The following CRPPA variants were observed in gnomAD, a reference collection of about 807,000 sequenced individuals.
CRPPA encodes CDP-L-ribitol pyrophosphorylase A.
In CRPPA, 43 loss-of-function variants were observed where a neutral mutation model predicts 52.0. That is an observed-to-expected ratio of 0.83 (90% CI 0.65 to 1.07). The LOEUF (loss-of-function observed/expected upper bound fraction) is 1.07. CRPPA is among the 50% of genes least tolerant of loss of function. The pLI is 0.00. For synonymous variants in CRPPA, 250 were observed against 203.5 expected (o/e 1.23, Z -1.94); for missense variants, 629 against 551.7 (o/e 1.14, Z -1.40).
chr7:16,101,076 G>A (rs1010619926), intron 9 of CRPPA, among the ~76,000 whole-genome samples: 3 of 152,096 alleles, frequency 2.0e-5, no homozygotes, highest in African/African-American at 7.2e-5. Context: ...GAGGATTTTT[G>A]CATCGATGTT....
intron 3 of CRPPA, among the ~76,000 whole-genome samples, chr7:16,342,231 C>A (rs1785864982): frequency 6.6e-6 from 1 of 152,136 alleles, no homozygotes; most frequent in Admixed American, 6.5e-5. Context: ...TTTATTTCAA[C>A]ATCAATGTTA....
chr7:16,157,959 C>T (rs1472920579), intron 9 of CRPPA, among the ~76,000 whole-genome samples: 2 of 152,040 alleles, frequency 1.3e-5, no homozygotes, highest in African/African-American at 4.8e-5. Context: ...ACTGCAACCT[C>T]CACCTCGGGG....
chr7:16,200,870 A>G (rs1279256616), intron 9 of CRPPA, among the ~76,000 whole-genome samples: 1 of 152,222 alleles, frequency 6.6e-6, no homozygotes, highest in South Asian at 2.1e-4. Flanking sequence ...ATACATAGAT[A>G]TCAAAAACTG....
chr7:16,252,553 G>C (rs950751662), intron 8 of CRPPA, among the ~76,000 whole-genome samples: 5 of 152,204 alleles, frequency 3.3e-5, no homozygotes, highest in Admixed American at 3.3e-4. Context: ...CACGGATATT[G>C]GTCTAAATTT....
chr7:16,291,063 TC>T (rs1350822173), intron 5 of CRPPA, among the ~76,000 whole-genome samples: 1 of 151,816 alleles, frequency 6.6e-6, no homozygotes, highest in African/African-American at 2.4e-5. Context: ...AAAATGTAAA[TC>T]AAAACCACAT....
chr7:16,285,242 A>T (rs1244949813), intron 5 of CRPPA, among the ~76,000 whole-genome samples: 4 of 152,188 alleles, frequency 2.6e-5, no homozygotes, highest in Admixed American at 6.5e-5. Flanking sequence ...ACAACCCAGA[A>T]TTGTACAAAT....
chr7:16,371,243 C>T (rs1786741288), intron 3 of CRPPA, among the ~76,000 whole-genome samples: 2 of 152,130 alleles, frequency 1.3e-5, no homozygotes, highest in African/African-American at 4.8e-5. Context: ...TCCCTATTGA[C>T]CTGAAGCCTG....
chr7:16,346,328 A>G (rs1366282938), intron 3 of CRPPA, among the ~76,000 whole-genome samples: 1 of 152,180 alleles, frequency 6.6e-6, no homozygotes, highest in African/African-American at 2.4e-5. Flanking sequence ...TAAGAGGAAT[A>G]ACAACAAAGG....
intron 9 of CRPPA, among the ~76,000 whole-genome samples, chr7:16,116,878 T>C (rs1449057003): frequency 6.6e-6 from 1 of 152,156 alleles, no homozygotes; most frequent in Non-Finnish European, 1.5e-5. Flanking sequence ...AGTTAATCAA[T>C]GTTAACCACC....
intron 3 of CRPPA, among the ~76,000 whole-genome samples, chr7:16,352,910 CACACACACACACA>C (rs1786195057): frequency 8.5e-6 from 1 of 117,760 alleles, no homozygotes; most frequent in Non-Finnish European, 1.9e-5. Context: ...CACACACACA[CACACACACACACA>C]CATTGGAGTA....
chr7:16,399,991 C>A (rs17169461), intron 2 of CRPPA, among the ~76,000 whole-genome samples: 1 of 152,122 alleles, frequency 6.6e-6, no homozygotes, highest in Non-Finnish European at 1.5e-5. Flanking sequence ...ACGTGACTGA[C>A]GCATTTGACA....
chr7:16,196,756 A>T (rs777410202), intron 9 of CRPPA, among the ~76,000 whole-genome samples: 3 of 152,118 alleles, frequency 2.0e-5, no homozygotes, highest in Non-Finnish European at 4.4e-5. Flanking sequence ...TATTTCTATC[A>T]CATCAAACTT....
chr7:16,364,007 G>C (rs1488153279), intron 3 of CRPPA, among the ~76,000 whole-genome samples: 1 of 152,036 alleles, frequency 6.6e-6, no homozygotes, highest in African/African-American at 2.4e-5. Context: ...ATCCTTCAAA[G>C]AATGTAACAG....
chr7:16,405,188 T>C (rs931449404), intron 2 of CRPPA, among the ~76,000 whole-genome samples: 2 of 152,098 alleles, frequency 1.3e-5, no homozygotes, highest in African/African-American at 4.8e-5. Context: ...AACTATTACA[T>C]AGATGTTATA....
At chr7:16,399,693 GCAACACGTGAC>G (rs1423239085) in intron 2 of CRPPA, among the ~76,000 whole-genome samples, 1 of 151,912 alleles carries the variant, frequency 6.6e-6, no homozygotes, top group Non-Finnish European at 1.5e-5. Context: ...TGACACGTGA[GCAACACGTGAC>G]CAACATGACT....
chr7:16,252,729 T>C (rs971203395), intron 8 of CRPPA, among the ~76,000 whole-genome samples: 1 of 152,216 alleles, frequency 6.6e-6, no homozygotes, highest in Admixed American at 6.5e-5. Flanking sequence ...TGAATCGGTC[T>C]GGTCCTGGAT....
chr7:16,340,250 T>C (rs1785787691), intron 3 of CRPPA, among the ~76,000 whole-genome samples: 1 of 152,066 alleles, frequency 6.6e-6, no homozygotes. Context: ...TGGTACACTA[T>C]ACTAAATAAA....
At chr7:16,174,611 G>C (rs1781257112) in intron 9 of CRPPA, among the ~76,000 whole-genome samples, 1 of 151,888 alleles carries the variant, frequency 6.6e-6, no homozygotes, top group Non-Finnish European at 1.5e-5. Context: ...CAGAGAAACT[G>C]AGTTACAGAA....
chr7:16,126,520 A>C (rs1484456062), intron 9 of CRPPA, among the ~76,000 whole-genome samples: 1 of 152,226 alleles, frequency 6.6e-6, no homozygotes, highest in African/African-American at 2.4e-5. Flanking sequence ...AAATATTCAA[A>C]GAAAGTGTTG....
Sources: allele counts gnomAD v4.1 joint callset (sites outside exome capture counted in the v4.1 genomes callset), GRCh38; gene constraint gnomAD v4.1.1; transcripts MANE v1.5; gene names NCBI Gene and HGNC (gene_info 2026-07-23, HGNC 2026-07-21).